MIDN: variants seen among roughly 807,000 people sequenced by gnomAD.
The protein encoded by MIDN is midnolin, also known as midbrain nucleolar protein.
Under a neutral mutation model 46.1 loss-of-function variants are expected in MIDN, and 26 were observed. The ratio of observed to expected loss-of-function variants is 0.56; its 90% confidence interval spans 0.41 to 0.78. The LOEUF (loss-of-function observed/expected upper bound fraction) is 0.78, where lower values mean the gene tolerates loss of function less well. Ranked by LOEUF, MIDN falls within the 30% of genes least tolerant of loss-of-function variation. The pLI, the probability that MIDN is intolerant of heterozygous loss-of-function variation, is 0.00. For synonymous variants in MIDN, 432 were observed against 343.3 expected (o/e 1.26, Z -2.86); for missense variants, 850 against 771.8 (o/e 1.10, Z -1.20).
chr19:1,254,272 C>G lies in MIDN; in HGVS notation c.619C>G (p.Gln207Glu). ...GCTCGCGGCCCAGCACGCTCCACTG[C>G]AACACCGCCATGTGCTGGCCGCTGC... is the stretch of plus-strand genomic sequence containing the variant. ...LQLAAQHAPLQHRHVLAAAAA... is the reference protein window; with the variant it reads ...LQLAAQHAPLEHRHVLAAAAA... The change falls in exon 6 of 9, where the codon CAA (glutamine) becomes GAA (glutamate). Residue 207 changes from glutamine to glutamate, a missense_variant. Coordinates refer to ENST00000682408, the MANE Select transcript of MIDN (RefSeq NM_001388306.1). 6.3e-7 allele frequency: 1 copy of G among 1,585,270 alleles called. No homozygotes were observed. Among genetic ancestry groups the G allele is most frequent in the Non-Finnish European group, 8.5e-7 (1 of 1,172,640 alleles).
chr19:1,250,037 C>G lies in MIDN; in HGVS notation c.-260C>G, dbSNP rs2081104152. ...CGCGCCGCGTCCCGGTCGCGCCCGC[C>G]GCCCTTTGAAGGAGAAGCAAGTGCC... On this transcript the variant is annotated 5_prime_UTR_variant, in exon 2 of 9. Transcript: ENST00000682408. The G allele has an allele frequency of 6.6e-6, 1 of 151,840 alleles. No individual in the cohort carries two copies. The highest frequency in any genetic ancestry group is 1.5e-5 in the Non-Finnish European group (1 of 67,968). The allele number at this position is 151,840 out of a possible 1,614,324, so 9.4% of individuals were successfully genotyped here. A position where few individuals can be genotyped will look rare whatever the true frequency, so the allele number is the denominator to read the frequency against.
Position 1,257,457 on chromosome 19 carries a change from T to C in MIDN, c.*185T>C, listed in dbSNP as rs1054549648. The C allele has an allele frequency of 3.5e-6, 2 of 568,834 alleles. No homozygotes were observed. The highest frequency in any genetic ancestry group is 6.2e-6 in the Non-Finnish European group (2 of 323,272). 35.2% of individuals were successfully genotyped at this position (568,834 alleles called of 1,614,324 possible). On this transcript the variant is annotated 3_prime_UTR_variant, in exon 9 of 9. Coordinates refer to ENST00000682408, the MANE Select transcript of MIDN (RefSeq NM_001388306.1). ...TTTTTAAAAAGTTCTGACCGTGGTT[T>C]CCTGGACTCTTCATGGGCTTTGCTT...
chr19:1,251,975 G>C, intron 4 of MIDN, 74 bp downstream of exon 4: 1 of 1,327,648 alleles, frequency 7.5e-7, no homozygotes, highest in South Asian at 1.2e-5. Context: ...CGGGGCCTGG[G>C]GGTTGTCTGT....
chr19:1,249,545 C>G (rs941068965), intron 1 of MIDN, among the ~76,000 whole-genome samples: 1 of 149,944 alleles, frequency 6.7e-6, no homozygotes, highest in Non-Finnish European at 1.5e-5. Context: ...CCCGCGCCCC[C>G]CGGGGCGCGC....
chr19:1,249,862 T>C, intron 1 of MIDN, 28 bp from the exon 2 acceptor site: 1 of 151,752 alleles, frequency 6.6e-6, no homozygotes, highest in South Asian at 2.1e-4. Context: ...ACATTATAAC[T>C]TTTTTTTCTT....
chr19:1,256,351 T>G (rs577260182), intron 8 of MIDN, among the ~76,000 whole-genome samples: 2 of 151,764 alleles, frequency 1.3e-5, no homozygotes, highest in South Asian at 4.2e-4. Context: ...GGCGTGGTGG[T>G]GGGCGCCTGT....
chr19:1,251,457 C>G (rs973757565), intron 2 of MIDN, 105 bp from the exon 3 acceptor site: 7 of 1,021,842 alleles, frequency 6.9e-6, no homozygotes, highest in Admixed American at 2.7e-5. Flanking sequence ...GGGGTGGGAA[C>G]TTATCCGTCT....
intron 1 of MIDN, among the ~76,000 whole-genome samples, chr19:1,249,073 G>A (rs538828311): frequency 6.6e-6 from 1 of 151,416 alleles, no homozygotes; most frequent in Non-Finnish European, 1.5e-5. Context: ...GGCGGGCCCG[G>A]CAGAGGGCGC....
Position 1,254,493 on chromosome 19 carries a change from G to C in MIDN, c.825+15G>C, listed in dbSNP as rs766523114. 14 of 1,542,402 alleles carry C rather than the reference G, an allele frequency of 9.1e-6. No individual in the cohort carries two copies. The South Asian group carries it at 1.7e-4, about 18-fold the overall frequency. ...CCTGCCCGGAGGTGAGCCTGGGGAAGGGAAGGGTGACCCTTGGTTGGAATC... is the reference window on the plus strand; with the variant it reads ...CCTGCCCGGAGGTGAGCCTGGGGAACGGAAGGGTGACCCTTGGTTGGAATC... On this transcript the variant is annotated intron_variant, in intron 6 of 8. Coordinates refer to ENST00000682408, the MANE Select transcript of MIDN (RefSeq NM_001388306.1).
At position 1,253,961 on chromosome 19, in the gene MIDN, CG is replaced by C; in HGVS notation, c.394del (p.Ala132ArgfsTer51). 1 of 1,392,508 alleles carries C rather than the reference CG, an allele frequency of 7.2e-7. No homozygotes were observed. The highest frequency in any genetic ancestry group is 9.3e-7 in the Non-Finnish European group (1 of 1,080,884). The allele number at this position is 1,392,508 out of a possible 1,614,324, so 86.3% of individuals were successfully genotyped here. On this transcript the variant is annotated frameshift_variant, in exon 5 of 9. Transcript: ENST00000682408. LOFTEE classifies it high-confidence loss of function. ...CCGCCTCTGTCCCCACAGCCCCCAG[CG>C]GCGCCCGGGCCGGGCCGGGCTGGCG... ...LESLTETQPP[A>X]APGPGRAGGG...
Position 1,254,250 on chromosome 19 carries a change from C to T in MIDN, c.597C>T (p.Leu199=), listed in dbSNP as rs780860111. The T allele has an allele frequency of 1.5e-5, 24 of 1,592,076 alleles. No homozygotes were observed. The highest frequency in any genetic ancestry group is 2.3e-5 in the East Asian group (1 of 44,404). The change falls in exon 6 of 9, where the codon CTC becomes CTT. Residue 199 remains leucine, a synonymous_variant. Transcript: ENST00000682408. ...GDHMMFVQLQ[L]AAQHAPLQHR... is the part of the protein sequence containing the mutation. ...ACATGATGTTCGTGCAGCTGCAGCT[C>T]GCGGCCCAGCACGCTCCACTGCAAC...
chr19:1,251,262 T>G, intron 2 of MIDN: 1 of 390,548 alleles, frequency 2.6e-6, no homozygotes, highest in Non-Finnish European at 4.6e-6. Context: ...GAAGGTGGCA[T>G]AGAGCACACT....
At position 1,251,577 on chromosome 19, in the gene MIDN, G is replaced by A. The variant is rs759059735; in HGVS notation, c.249G>A (p.Gly83=). ...CTCCCCCCAGCCGGCTCAGTTCGGG[G>A]AAGCTGCAGGAGTTCGGCGTGGGTG... ...LLHKDTRLSS[G]KLQEFGVGDG... Residue 83 remains glycine (G), a synonymous_variant, in exon 3 of 9, where the codon GGG becomes GGA. Coordinates refer to ENST00000682408, the MANE Select transcript of MIDN (RefSeq NM_001388306.1). The A allele has an allele frequency of 1.2e-5, 19 of 1,606,960 alleles. 1 individual carries two copies. The South Asian group carries it at 2.0e-4, about 17-fold the overall frequency.
chr19:1,251,937 C>T (rs565901559), intron 4 of MIDN, 36 bp downstream of exon 4: 5 of 1,590,968 alleles, frequency 3.1e-6, no homozygotes, highest in African/African-American at 2.7e-5. Flanking sequence ...ACAGGGCAGC[C>T]CTGGGAGCAG....
At chr19:1,251,221 T>C (rs891960588) in intron 2 of MIDN, 8 of 268,992 alleles carry the variant, frequency 3.0e-5, no homozygotes, top group Non-Finnish European at 5.0e-5. Context: ...ATTAGGGAAT[T>C]GGGGGCAGGG....
At chr19:1,251,934 A>G (rs896047246) in intron 4 of MIDN, 33 bp downstream of exon 4, 2 of 1,592,158 alleles carry the variant, frequency 1.3e-6, no homozygotes, top group Non-Finnish European at 1.7e-6. Context: ...CTAACAGGGC[A>G]GCCCTGGGAG....
chr19:1,253,309 C>G (rs1045303018), intron 4 of MIDN, among the ~76,000 whole-genome samples: 3 of 152,018 alleles, frequency 2.0e-5, no homozygotes, highest in African/African-American at 7.3e-5. Context: ...GGGCCCCAAG[C>G]AGAGAAGGTT....
chr19:1,258,833 GGGGC>G lies in MIDN; in HGVS notation c.*1565_*1568del, dbSNP rs1197424672. The G allele has an allele frequency of 6.6e-6, 1 of 151,794 alleles. No homozygotes were observed. The highest frequency in any genetic ancestry group is 6.6e-5 in the Admixed American group (1 of 15,224). The allele number at this position is 151,794 out of a possible 1,614,324, so 9.4% of individuals were successfully genotyped here. A position where few individuals can be genotyped will look rare whatever the true frequency, so the allele number is the denominator to read the frequency against. Reference sequence around the variant, plus strand: ...AAAAATAGAAAAAAAAGGAGTAAAAGGGGCGGGTTTGTTTTTTGAAGAACTGTCT... The same window carrying G: ...AAAAATAGAAAAAAAAGGAGTAAAAGGGGTTTGTTTTTTGAAGAACTGTCT... On this transcript the variant is annotated 3_prime_UTR_variant, in exon 9 of 9. Coordinates refer to ENST00000682408, the MANE Select transcript of MIDN (RefSeq NM_001388306.1).
At chr19:1,251,338 G>T (rs988807444) in intron 2 of MIDN, 3 of 545,744 alleles carry the variant, frequency 5.5e-6, no homozygotes, top group Non-Finnish European at 9.6e-6. Context: ...CAGGGCGGGG[G>T]TTCCACTGGA....
Sources: gnomAD v4.1 joint callset for allele counts (sites outside exome capture counted in the v4.1 genomes callset) on GRCh38, gnomAD v4.1.1 for gene constraint, MANE v1.5 for transcripts, NCBI Gene and HGNC (gene_info 2026-07-23, HGNC 2026-07-21) for gene names.